OR10Z1: variants seen among roughly 807,000 people sequenced by gnomAD.
The protein encoded by OR10Z1 is olfactory receptor family 10 subfamily Z member 1, also known as olfactory receptor 10Z1.
For synonymous variants in OR10Z1, 187 were observed against 151.2 expected, an observed-to-expected ratio of 1.24 and a Z score of -1.74; for missense variants, 468 against 371.0, an observed-to-expected ratio of 1.26 and a Z score of -2.15.
In OR10Z1 at chr1:158,606,501, G is replaced by A. The variant is rs771648086; in HGVS notation, c.63G>A (p.Gly21=). 16 of 1,613,954 alleles carry A rather than the reference G, an allele frequency of 9.9e-6. No individual in the cohort carries two copies. The South Asian group carries it at 1.4e-4, about 14-fold the overall frequency. Residue 21 remains glycine (G), a synonymous_variant, in exon 2 of 2, where the codon GGG becomes GGA. Transcript: ENST00000641002. ...TCTTCCTGGGCTTCTCCAGTTCTGG[G>A]GAGTTGCAGCTCCTTCTCTTTGCCT... is the stretch of plus-strand genomic sequence containing the variant. The part of the protein sequence containing the change: ...DFVFLGFSSS[G]ELQLLLFALF...
At position 158,606,407 on chromosome 1, in the gene OR10Z1, T is replaced by A; in HGVS notation, c.-32T>A. ...GCATCTACTGGCAAGGTGGAAGAAATCAACAAATCTATCAGGGATATACCT... is the reference window on the plus strand; with the variant it reads ...GCATCTACTGGCAAGGTGGAAGAAAACAACAAATCTATCAGGGATATACCT... On this transcript the variant is annotated 5_prime_UTR_variant, in exon 2 of 2. Coordinates refer to ENST00000641002, the MANE Select transcript of OR10Z1 (RefSeq NM_001004478.2). 7.1e-7 allele frequency: 1 copy of A among 1,412,132 alleles called. No homozygotes were observed. Among genetic ancestry groups the A allele is most frequent in the Non-Finnish European group, 9.8e-7 (1 of 1,019,386 alleles). The allele number at this position is 1,412,132 out of a possible 1,614,324, so 87.5% of individuals were successfully genotyped here.
Position 158,611,061 on chromosome 1 carries a change from A to G in OR10Z1, c.*3681A>G. On this transcript the variant is annotated 3_prime_UTR_variant, in exon 2 of 2. Coordinates refer to ENST00000641002, the MANE Select transcript of OR10Z1 (RefSeq NM_001004478.2). Reference sequence around the variant, plus strand: ...TAGCTTCCACTCCTCCAACTCTATTAACCTTTCTATCTCCCACCCTTGAGA... The same window carrying G: ...TAGCTTCCACTCCTCCAACTCTATTGACCTTTCTATCTCCCACCCTTGAGA... The G allele has an allele frequency of 1.5e-6, 1 of 668,314 alleles. No homozygotes were observed. Among genetic ancestry groups the G allele is most frequent in the Non-Finnish European group, 2.5e-6 (1 of 396,720 alleles). 41.4% of individuals were successfully genotyped at this position (668,314 alleles called of 1,614,324 possible). A position where few individuals can be genotyped will look rare whatever the true frequency, so the allele number is the denominator to read the frequency against.
rs2101737470 is a variant in OR10Z1 at position 158,608,671 on chromosome 1, C to T, written c.*1291C>T. ...AACTTGTTCCTAAAGGATGGGTGAG[C>T]TTTGAATGCACTGACTGGGGAGAAA... On this transcript the variant is annotated 3_prime_UTR_variant, in exon 2 of 2. Coordinates refer to ENST00000641002, the MANE Select transcript of OR10Z1 (RefSeq NM_001004478.2). The T allele has an allele frequency of 6.6e-6, 1 of 152,210 alleles. No homozygotes were observed. The highest frequency in any genetic ancestry group is 1.9e-4 in the East Asian group (1 of 5,174). The allele number at this position is 152,210 out of a possible 1,614,324, so 9.4% of individuals were successfully genotyped here.
At position 158,606,679 on chromosome 1, in the gene OR10Z1, A is replaced by G; in HGVS notation, c.241A>G (p.Met81Val). 1 of 1,613,970 alleles carries G rather than the reference A, an allele frequency of 6.2e-7. No individual in the cohort carries two copies. The highest frequency in any genetic ancestry group is 8.5e-7 in the Non-Finnish European group (1 of 1,179,954). ...CTACACTTTGGGCATCATCCCTAGA[A>G]TGCTCTCTGGCCTGGCTGGGGGGGA... ...TCYTLGIIPRMLSGLAGGDQA... is the reference protein window; with the variant it reads ...TCYTLGIIPRVLSGLAGGDQA... The change falls in exon 2 of 2, where the codon ATG becomes GTG. Residue 81 changes from methionine to valine, a missense_variant. Physicochemically the swap from Met to Val is conservative, Grantham distance 21. Coordinates refer to ENST00000641002, the MANE Select transcript of OR10Z1 (RefSeq NM_001004478.2).
chr1:158,607,385 T>C lies in OR10Z1; in HGVS notation c.*5T>C, dbSNP rs1182615419. 2 of 1,606,046 alleles carry C rather than the reference T, an allele frequency of 1.2e-6. No individual in the cohort carries two copies. Among genetic ancestry groups the C allele is most frequent in the Non-Finnish European group, 8.5e-7 (1 of 1,173,876 alleles). On this transcript the variant is annotated 3_prime_UTR_variant, in exon 2 of 2. Coordinates refer to ENST00000641002, the MANE Select transcript of OR10Z1 (RefSeq NM_001004478.2). Reference sequence around the variant, plus strand: ...AGATTGCTGGGTAAAGGATGAAGGTTACCCCAATAGGACACTTTCTTCTGT... The same window carrying C: ...AGATTGCTGGGTAAAGGATGAAGGTCACCCCAATAGGACACTTTCTTCTGT...
chr1:158,607,462 C>A lies in OR10Z1; in HGVS notation c.*82C>A. ...AAGCCAAAGGGCCAGGTATTCAAGG[C>A]CTCAGGCCAAAGCTGTCCTACCCCC... On this transcript the variant is annotated 3_prime_UTR_variant, in exon 2 of 2. Transcript: ENST00000641002. The A allele has an allele frequency of 9.2e-7, 1 of 1,081,316 alleles. No individual in the cohort carries two copies. The highest frequency in any genetic ancestry group is 1.4e-6 in the Non-Finnish European group (1 of 738,640). The allele number at this position is 1,081,316 out of a possible 1,614,324, so 67.0% of individuals were successfully genotyped here.
Position 158,611,133 on chromosome 1 carries a change from AC to A in OR10Z1, c.*3754del. The A allele has an allele frequency of 1.0e-5, 2 of 199,650 alleles. No homozygotes were observed. Among genetic ancestry groups the A allele is most frequent in the Admixed American group, 3.5e-4 (2 of 5,794 alleles). The allele number at this position is 199,650 out of a possible 1,614,324, so 12.4% of individuals were successfully genotyped here. A position where few individuals can be genotyped will look rare whatever the true frequency, so the allele number is the denominator to read the frequency against. ...ATGTAATATGCACACAAACACAAGCACACACACACACACACACACACACACA... is the reference window on the plus strand; with the variant it reads ...ATGTAATATGCACACAAACACAAGCAACACACACACACACACACACACACA... On this transcript the variant is annotated 3_prime_UTR_variant, in exon 2 of 2. Transcript: ENST00000641002.
chr1:158,607,578 A>G lies in OR10Z1; in HGVS notation c.*198A>G, dbSNP rs1014539009. ...GGGCTTCCTGCTCTGCTCACTGTGC[A>G]CAACTCAAAATGAGCCCAAAATCTG... On this transcript the variant is annotated 3_prime_UTR_variant, in exon 2 of 2. Transcript: ENST00000641002. 2.2e-6 allele frequency: 1 copy of G among 459,928 alleles called. No homozygotes were observed. 28.5% of individuals were successfully genotyped at this position (459,928 alleles called of 1,614,324 possible). A position where few individuals can be genotyped will look rare whatever the true frequency, so the allele number is the denominator to read the frequency against.
chr1:158,611,193 C>T lies in OR10Z1; in HGVS notation c.*3813C>T. ...AGGCCATCTTTATCTTCCACATTTG[C>T]CTGTACTCTTTGCCCCCCAGTAAAT... On this transcript the variant is annotated 3_prime_UTR_variant, in exon 2 of 2. Coordinates refer to ENST00000641002, the MANE Select transcript of OR10Z1 (RefSeq NM_001004478.2). 3 of 1,555,558 alleles carry T rather than the reference C, an allele frequency of 1.9e-6. No individual in the cohort carries two copies. Among genetic ancestry groups the T allele is most frequent in the Non-Finnish European group, 1.8e-6 (2 of 1,134,714 alleles).
Position 158,607,282 on chromosome 1 carries a change from AC to A in OR10Z1, c.850del (p.Leu284SerfsTer9), listed in dbSNP as rs745317170. 3 of 1,613,750 alleles carry A rather than the reference AC, an allele frequency of 1.9e-6. No homozygotes were observed. The highest frequency in any genetic ancestry group is 2.5e-6 in the Non-Finnish European group (3 of 1,179,818). ...QLIAMTYTVVTPLLNPIVYSL... is the reference protein window; with the variant it reads ...QLIAMTYTVVXPLLNPIVYSL... ...TATTGCCATGACCTATACTGTAGTG[AC>A]CCCCCTCCTTAATCCCATTGTTTAT... On this transcript the variant is annotated frameshift_variant, in exon 2 of 2. Coordinates refer to ENST00000641002, the MANE Select transcript of OR10Z1 (RefSeq NM_001004478.2). LOFTEE classifies it low-confidence loss of function (END_TRUNC).
In OR10Z1 at chr1:158,606,405, AATC is replaced by A; in HGVS notation, c.-32_-30del. 7.1e-7 allele frequency: 1 copy of A among 1,401,290 alleles called. No homozygotes were observed. The highest frequency in any genetic ancestry group is 9.9e-7 in the Non-Finnish European group (1 of 1,009,840). The allele number at this position is 1,401,290 out of a possible 1,614,324, so 86.8% of individuals were successfully genotyped here. Reference sequence around the variant, plus strand: ...AGGCATCTACTGGCAAGGTGGAAGAAATCAACAAATCTATCAGGGATATACCTC... The same window carrying A: ...AGGCATCTACTGGCAAGGTGGAAGAAAACAAATCTATCAGGGATATACCTC... On this transcript the variant is annotated 5_prime_UTR_variant, in exon 2 of 2. Coordinates refer to ENST00000641002, the MANE Select transcript of OR10Z1 (RefSeq NM_001004478.2).
At position 158,612,460 on chromosome 1, in the gene OR10Z1, A is replaced by G; in HGVS notation, c.*5080A>G. The G allele has an allele frequency of 6.1e-6, 2 of 326,212 alleles. No individual in the cohort carries two copies. Among genetic ancestry groups the G allele is most frequent in the Non-Finnish European group, 1.2e-5 (2 of 169,622 alleles). The allele number at this position is 326,212 out of a possible 1,614,324, so 20.2% of individuals were successfully genotyped here. A position where few individuals can be genotyped will look rare whatever the true frequency, so the allele number is the denominator to read the frequency against. On this transcript the variant is annotated 3_prime_UTR_variant, in exon 2 of 2. Transcript: ENST00000641002. ...TAACTTGTAAAGTTCTGTCTTCCCC[A>G]CTACACCTGAATTTAGGGACTGTGT...
Position 158,610,703 on chromosome 1 carries a change from G to T in OR10Z1, c.*3323G>T, listed in dbSNP as rs1378546887. The T allele has an allele frequency of 6.6e-6, 1 of 152,618 alleles. No individual in the cohort carries two copies. The highest frequency in any genetic ancestry group is 2.4e-5 in the African/African-American group (1 of 41,400). 9.5% of individuals were successfully genotyped at this position (152,618 alleles called of 1,614,324 possible). On this transcript the variant is annotated 3_prime_UTR_variant, in exon 2 of 2. Transcript: ENST00000641002. ...TCATTGTACAAACTAAAATATTCAT[G>T]TTCCCCAGAAAATCAAATATCTTTA...
chr1:158,606,639 C>T lies in OR10Z1; in HGVS notation c.201C>T (p.Ser67=), dbSNP rs1161063161. 6.8e-6 allele frequency: 11 copies of T among 1,614,054 alleles called. No homozygotes were observed. The highest frequency in any genetic ancestry group is 9.3e-6 in the Non-Finnish European group (11 of 1,179,958). ...TPMYLFLSFL[S]FSETCYTLGI... ...TGTACCTCTTCCTTTCCTTCCTATC[C>T]TTCTCTGAGACCTGCTACACTTTGG... The change falls in exon 2 of 2, where the codon TCC becomes TCT. Residue 67 remains serine, a synonymous_variant. Transcript: ENST00000641002.
At position 158,609,254 on chromosome 1, in the gene OR10Z1, T is replaced by TA. The variant is rs1649140974; in HGVS notation, c.*1876dup. On this transcript the variant is annotated 3_prime_UTR_variant, in exon 2 of 2. Coordinates refer to ENST00000641002, the MANE Select transcript of OR10Z1 (RefSeq NM_001004478.2). ...GCTTTCAGGAAAGAAATACATCCTCTAATTGGAATTTGATGAAAACAATTT... is the reference window on the plus strand; with the variant it reads ...GCTTTCAGGAAAGAAATACATCCTCTAAATTGGAATTTGATGAAAACAATTT... The TA allele has an allele frequency of 6.6e-6, 1 of 152,160 alleles. No individual in the cohort carries two copies. Among genetic ancestry groups the TA allele is most frequent in the African/African-American group, 2.4e-5 (1 of 41,442 alleles). The allele number at this position is 152,160 out of a possible 1,614,324, so 9.4% of individuals were successfully genotyped here.
Position 158,606,668 on chromosome 1 carries a change from T to C in OR10Z1, c.230T>C (p.Ile77Thr). 1 of 1,614,064 alleles carries C rather than the reference T, an allele frequency of 6.2e-7. No homozygotes were observed. Among genetic ancestry groups the C allele is most frequent in the Non-Finnish European group, 8.5e-7 (1 of 1,179,954 alleles). Residue 77 changes from isoleucine (I) to threonine (T), a missense_variant, in exon 2 of 2, where the codon ATC becomes ACC. Transcript: ENST00000641002. Reference protein sequence around the residue: ...SFSETCYTLGIIPRMLSGLAG... With the variant: ...SFSETCYTLGTIPRMLSGLAG... The stretch of plus-strand genomic sequence containing the variant: ...TCTGAGACCTGCTACACTTTGGGCA[T>C]CATCCCTAGAATGCTCTCTGGCCTG...
In OR10Z1 at chr1:158,607,443, A is replaced by C; in HGVS notation, c.*63A>C. 1 of 1,312,192 alleles carries C rather than the reference A, an allele frequency of 7.6e-7. No individual in the cohort carries two copies. Among genetic ancestry groups the C allele is most frequent in the Non-Finnish European group, 1.1e-6 (1 of 938,430 alleles). 81.3% of individuals were successfully genotyped at this position (1,312,192 alleles called of 1,614,324 possible). ...GGGCATAGACCAAGAACCCAAGCCA[A>C]AGGGCCAGGTATTCAAGGCCTCAGG... On this transcript the variant is annotated 3_prime_UTR_variant, in exon 2 of 2. Coordinates refer to ENST00000641002, the MANE Select transcript of OR10Z1 (RefSeq NM_001004478.2).
Position 158,610,449 on chromosome 1 carries a change from T to A in OR10Z1, c.*3069T>A. 1 of 152,160 alleles carries A rather than the reference T, an allele frequency of 6.6e-6. No individual in the cohort carries two copies. The highest frequency in any genetic ancestry group is 1.9e-4 in the East Asian group (1 of 5,200). 9.4% of individuals were successfully genotyped at this position (152,160 alleles called of 1,614,324 possible). A position where few individuals can be genotyped will look rare whatever the true frequency, so the allele number is the denominator to read the frequency against. On this transcript the variant is annotated 3_prime_UTR_variant, in exon 2 of 2. Coordinates refer to ENST00000641002, the MANE Select transcript of OR10Z1 (RefSeq NM_001004478.2). ...AGCATCACCTCTTCTTTTTTTAAAA[T>A]TAATTCTTAATTTTATAAATAATTC...
chr1:158,611,430 C>A lies in OR10Z1; in HGVS notation c.*4050C>A. Reference sequence around the variant, plus strand: ...AGAGAAAAATACAGTTATAGGGATTCAAAATAGCTGGTTCCTTGGGGCTTC... The same window carrying A: ...AGAGAAAAATACAGTTATAGGGATTAAAAATAGCTGGTTCCTTGGGGCTTC... On this transcript the variant is annotated 3_prime_UTR_variant, in exon 2 of 2. Coordinates refer to ENST00000641002, the MANE Select transcript of OR10Z1 (RefSeq NM_001004478.2). 1 of 1,611,210 alleles carries A rather than the reference C, an allele frequency of 6.2e-7. No homozygotes were observed. Among genetic ancestry groups the A allele is most frequent in the South Asian group, 1.1e-5 (1 of 90,892 alleles).
Sources: gnomAD v4.1 joint callset for allele counts on GRCh38, gnomAD v4.1.1 for gene constraint, MANE v1.5 for transcripts, NCBI Gene and HGNC (gene_info 2026-07-23, HGNC 2026-07-21) for gene names.